Variants in PDE4A observed in about 807,000 individuals in gnomAD.
PDE4A encodes the protein 3',5'-cyclic-AMP phosphodiesterase 4A.
Under a neutral mutation model 73.9 loss-of-function variants are expected in PDE4A, and 21 were observed. The ratio of observed to expected loss-of-function variants is 0.28; its 90% CI spans 0.20 to 0.41. PDE4A has a LOEUF of 0.41. PDE4A is among the 10% of genes least tolerant of loss of function. The probability of loss-of-function intolerance (pLI) is 1.00; values close to 1 mark genes in which losing one functional copy is unlikely to be tolerated. For synonymous variants in PDE4A, 463 were observed against 505.4 expected, an observed-to-expected ratio of 0.92 and a Z score of 1.13; for missense variants, 958 against 1,211.4, an observed-to-expected ratio of 0.79 and a Z score of 3.10.
At position 10,467,194 on chromosome 19, in the gene PDE4A, C is replaced by T. The variant is rs746503980; in HGVS notation, c.2234C>T (p.Ala745Val). 7 of 1,614,184 alleles carry T rather than the reference C, an allele frequency of 4.3e-6. 1 individual carries two copies. The South Asian group carries it at 7.7e-5, about 18-fold the overall frequency. ...TAQGLSGVEE[A>V]LDATIAWEAS... is the part of the protein sequence containing the mutation. ...CAGGGATTGTCAGGAGTCGAGGAAG[C>T]TCTGGATGCAACCATAGCCTGGGAG... The change falls in exon 15 of 15, where the codon GCT (alanine) becomes GTT (valine). Residue 745 changes from alanine to valine, a missense_variant. Physicochemically the swap from Ala to Val is moderately conservative, Grantham distance 64. Transcript: ENST00000380702.
rs577530815 is a variant in PDE4A at position 10,451,060 on chromosome 19, T to A, written c.783+119T>A. 10 of 991,772 alleles carry A rather than the reference T, an allele frequency of 1.0e-5. No individual in the cohort carries two copies. The South Asian group carries it at 1.5e-4, about 15-fold the overall frequency. 61.4% of individuals were successfully genotyped at this position (991,772 alleles called of 1,614,324 possible). A position where few individuals can be genotyped will look rare whatever the true frequency, so the allele number is the denominator to read the frequency against. ...CTGCGGATGGAGCCAGCCATTAGGTTGTTCCTGTGGGCGGAGATAGCTACT... is the reference window on the plus strand; with the variant it reads ...CTGCGGATGGAGCCAGCCATTAGGTAGTTCCTGTGGGCGGAGATAGCTACT... On this transcript the variant is annotated intron_variant, in intron 6 of 14. Transcript: ENST00000380702.
upstream of PDE4A, among the ~76,000 whole-genome samples, chr19:10,418,401 A>G (rs767729036): frequency 6.6e-6 from 1 of 152,112 alleles, no homozygotes; most frequent in Non-Finnish European, 1.5e-5. Context: ...TCTTGGCTCA[A>G]GAATGAGCTG....
intron 1 of PDE4A, among the ~76,000 whole-genome samples, chr19:10,430,374 C>T (rs901331231): frequency 3.3e-5 from 5 of 151,918 alleles, no homozygotes; most frequent in African/African-American, 1.2e-4. Context: ...ATGAGGGTGT[C>T]TCAGAACACC....
At chr19:10,464,575 C>T (rs188761468) in intron 14 of PDE4A, among the ~76,000 whole-genome samples, 4 of 152,132 alleles carry the variant, frequency 2.6e-5, no homozygotes, top group Non-Finnish European at 4.4e-5. Context: ...CACCACCACA[C>T]CTAGCTAATT....
At chr19:10,452,865 A>AACCCCCCCCC in intron 6 of PDE4A, 1 of 243,732 alleles carries the variant, frequency 4.1e-6, no homozygotes, top group Non-Finnish European at 6.6e-6. Flanking sequence ...CCCCTTTAAT[A>AACCCCCCCCC]CCCCCCCACC....
Position 10,465,683 on chromosome 19 carries a change from C to CTTTTTTTTTTTTTTTTTTTTTTT in PDE4A, c.1927-1192_1927-1170dup, listed in dbSNP as rs749126870. Among the ~76,000 whole-genome samples, 3 of 48,366 alleles carry CTTTTTTTTTTTTTTTTTTTTTTT rather than the reference C, an allele frequency of 6.2e-5. 1 individual carries two copies. The highest frequency in any genetic ancestry group is 1.1e-4 in the Non-Finnish European group (3 of 27,268). The allele number at this position is 48,366 out of a possible 152,430, so 31.7% of individuals were successfully genotyped here. A position where few individuals can be genotyped will look rare whatever the true frequency, so the allele number is the denominator to read the frequency against. On this transcript the variant is annotated intron_variant, in intron 14 of 14. Transcript: ENST00000380702. ...TCATAGCAATAGTTTGTGGCTTTAG[C>CTTTTTTTTTTTTTTTTTTTTTTT]TTTTTTTTTTTTTTTTTTTTTTTTT...
In PDE4A at chr19:10,439,134, G is replaced by A. The variant is rs775695083; in HGVS notation, c.321-7084G>A. On this transcript the variant is annotated intron_variant, in intron 1 of 14. Transcript: ENST00000380702. Reference sequence around the variant, plus strand: ...GATAGACCTAGGAGTGGGATTGCGCGGTTGTGTGGTGATTCTACGTGTTTG... The same window carrying A: ...GATAGACCTAGGAGTGGGATTGCGCAGTTGTGTGGTGATTCTACGTGTTTG... Among the ~76,000 whole-genome samples the A allele has an allele frequency of 7.2e-5, 11 of 152,004 alleles. No homozygotes were observed. The South Asian group carries it at 1.2e-3, about 17-fold the overall frequency.
In PDE4A at chr19:10,459,454, G is replaced by T. The variant is rs376916592; in HGVS notation, c.1156G>T (p.Ala386Ser). Residue 386 changes from alanine to serine, a missense_variant, in exon 9 of 15, where the codon GCT becomes TCT. Physicochemically the swap from Ala to Ser is moderately conservative, Grantham distance 99. Coordinates refer to ENST00000380702, the MANE Select transcript of PDE4A (RefSeq NM_001111307.2). ...GAACATCTTTTGCGTGTCGGATTAC[G>T]CTGGAGGCCGCTCACTCACCTGCAT... The part of the protein sequence containing the change: ...GLNIFCVSDY[A>S]GGRSLTCIMY... 15 of 1,614,056 alleles carry T rather than the reference G, an allele frequency of 9.3e-6. No homozygotes were observed. Among genetic ancestry groups the T allele is most frequent in the Non-Finnish European group, 1.3e-5 (15 of 1,180,016 alleles).
chr19:10,450,392 C>T (rs1599435454), intron 4 of PDE4A: 1 of 624,118 alleles, frequency 1.6e-6, no homozygotes, highest in Non-Finnish European at 2.0e-6. Context: ...CTTGAAGAAG[C>T]TGTTTCACCT....
In PDE4A at chr19:10,458,548, T is replaced by G. The variant is rs925925670; in HGVS notation, c.1101+446T>G. The stretch of plus-strand genomic sequence containing the variant: ...GGTGGCTCACTCAGCTGAGGCTTAT[T>G]GTAACCCTCTTTGAGCCACCTCCTC... On this transcript the variant is annotated intron_variant, in intron 8 of 14. Transcript: ENST00000380702. The surrounding 1 kb of genome is among the most constrained non-coding windows in gnomAD (Gnocchi z 4.6). Among the ~76,000 whole-genome samples, 4 of 152,230 alleles carry G rather than the reference T, an allele frequency of 2.6e-5. No homozygotes were observed. Among genetic ancestry groups the G allele is most frequent in the African/African-American group, 9.6e-5 (4 of 41,470 alleles).
At chr19:10,420,016 C>A (rs1305630531), upstream of PDE4A, 1 of 152,428 alleles carries the variant, frequency 6.6e-6, no homozygotes, top group East Asian at 1.9e-4. The surrounding 1 kb of genome is among the most constrained non-coding windows in gnomAD (Gnocchi z 6.0). Context: ...GAAGAGGCCA[C>A]GTGCGCGCAC....
Position 10,461,896 on chromosome 19 carries a change from C to G in PDE4A, c.1640C>G (p.Ser547Cys), listed in dbSNP as rs766581210. 3.1e-6 allele frequency: 5 copies of G among 1,613,788 alleles called. No homozygotes were observed. Among genetic ancestry groups the G allele is most frequent in the Non-Finnish European group, 4.2e-6 (5 of 1,179,932 alleles). ...CCGCAGGTGCTGGCCACGGACATGT[C>G]CAAGCACATGACCCTCCTGGCTGAC... ...VIDMVLATDMSKHMTLLADLK... is the reference protein window; with the variant it reads ...VIDMVLATDMCKHMTLLADLK... The change falls in exon 13 of 15, where the codon TCC becomes TGC. Residue 547 changes from serine to cysteine, a missense_variant. Around this residue, in one of 3 missense-constraint regions of PDE4A, gnomAD observed 570 missense variants for 827.7 expected, o/e 0.69. Transcript: ENST00000380702.
At chr19:10,466,076 C>T (rs140403378) in intron 14 of PDE4A, among the ~76,000 whole-genome samples, 2,968 of 150,186 alleles carry the variant, frequency 0.02, 104 homozygotes, top group African/African-American at 0.069. Context: ...AATCTCGGCT[C>T]ACTGCAACTT....
chr19:10,462,010 G>T lies in PDE4A; in HGVS notation c.1743+11G>T. On this transcript the variant is annotated intron_variant, in intron 13 of 14. Transcript: ENST00000380702. ...TCCGACCGCATCCAGGTGCCCCCACGCCCCATCATCTAAGGAGGGAGGACA... is the reference window on the plus strand; with the variant it reads ...TCCGACCGCATCCAGGTGCCCCCACTCCCCATCATCTAAGGAGGGAGGACA... 6.2e-7 allele frequency: 1 copy of T among 1,608,222 alleles called. No homozygotes were observed. The highest frequency in any genetic ancestry group is 8.5e-7 in the Non-Finnish European group (1 of 1,176,612).
At chr19:10,435,560 CA>C (rs2042853975) in intron 1 of PDE4A, among the ~76,000 whole-genome samples, 1 of 131,128 alleles carries the variant, frequency 7.6e-6, no homozygotes, top group Non-Finnish European at 1.6e-5. Context: ...GACCCTGTAT[CA>C]ACACACACAC....
At chr19:10,422,799 A>G (rs2042668108) in intron 1 of PDE4A, among the ~76,000 whole-genome samples, 1 of 152,172 alleles carries the variant, frequency 6.6e-6, no homozygotes, top group Admixed American at 6.5e-5. Context: ...CTGAAGGAAG[A>G]GAAAGTTGGA....
At chr19:10,437,315 G>C (rs1383310108) in intron 1 of PDE4A, among the ~76,000 whole-genome samples, 1 of 152,056 alleles carries the variant, frequency 6.6e-6, no homozygotes, top group African/African-American at 2.4e-5. Flanking sequence ...GTAGAGACGG[G>C]GTTTCACCAT....
At chr19:10,466,441 T>TC (rs1414981891) in intron 14 of PDE4A, among the ~76,000 whole-genome samples, 9 of 76,252 alleles carry the variant, frequency 1.2e-4, no homozygotes, top group South Asian at 5.2e-4. Context: ...CAAGACTCCG[T>TC]CTCAAAAAAA....
chr19:10,431,031 C>G, intron 1 of PDE4A: 1 of 1,578,214 alleles, frequency 6.3e-7, no homozygotes, highest in African/African-American at 1.4e-5. Context: ...CCGCAGACGC[C>G]TTCGGCTTCT....
Sources: gnomAD v4.1 joint callset for allele counts (sites outside exome capture counted in the v4.1 genomes callset) on GRCh38, gnomAD v4.1.1 for gene constraint, gnomAD v4.1.1 regional missense constraint, Gnocchi (gnomAD v3.1) non-coding constraint, MANE v1.5 for transcripts, NCBI Gene and HGNC (gene_info 2026-07-23, HGNC 2026-07-21) for gene names.